Variants in RBPMS observed in about 807,000 individuals in gnomAD.
The protein encoded by RBPMS is RNA-binding protein with multiple splicing.
In RBPMS, 7 loss-of-function variants were observed where a neutral mutation model predicts 26.8. That is an observed-to-expected ratio of 0.26 (90% CI 0.15 to 0.49). The LOEUF is 0.49. RBPMS is among the 20% of genes least tolerant of loss of function. The pLI, the probability that RBPMS is intolerant of heterozygous loss-of-function variation, is 0.98. For missense variants in RBPMS, 186 were observed against 250.0 expected (o/e 0.74, Z 1.73); for synonymous variants, 96 against 93.3 (o/e 1.03, Z -0.17).
intron 1 of RBPMS, among the ~76,000 whole-genome samples, chr8:30,390,250 G>C (rs921923012): frequency 6.6e-6 from 1 of 152,208 alleles, no homozygotes; most frequent in African/African-American, 2.4e-5. Flanking sequence ...AACCGAGGTT[G>C]GTCACATTTA....
At chr8:30,423,194 G>A (rs1810989883) in intron 1 of RBPMS, among the ~76,000 whole-genome samples, 1 of 152,218 alleles carries the variant, frequency 6.6e-6, no homozygotes, top group Admixed American at 6.5e-5. Context: ...CCAGTTCTCT[G>A]TCTACCAGTG....
In RBPMS at chr8:30,540,857, TTGA is replaced by T. The variant is rs373747108; in HGVS notation, c.398-3633_398-3631del. 1.8e-4 allele frequency among the ~76,000 whole-genome samples: 27 copies of T among 152,302 alleles called. No individual in the cohort carries two copies. The East Asian group carries it at 3.5e-3, about 20-fold the overall frequency. The stretch of plus-strand genomic sequence containing the variant: ...ATCATGGGATAGATTCACCAGGACC[TTGA>T]TGAAAGAATGAATGAGAGGGAGGAT... On this transcript the variant is annotated intron_variant, in intron 5 of 8. Transcript: ENST00000397323.
At chr8:30,410,143 T>TACACAC (rs34489233) in intron 1 of RBPMS, among the ~76,000 whole-genome samples, 12,232 of 132,026 alleles carry the variant, frequency 0.093, 714 homozygotes, top group Non-Finnish European at 0.13. Flanking sequence ...TGACTTAAAA[T>TACACAC]ACACACACAC....
chr8:30,463,377 G>A (rs1001545504), intron 1 of RBPMS, among the ~76,000 whole-genome samples: 1 of 152,214 alleles, frequency 6.6e-6, no homozygotes, highest in Non-Finnish European at 1.5e-5. Flanking sequence ...GACTTGACTA[G>A]GCGTGGGAGA....
At chr8:30,465,275 C>G (rs1816372171) in intron 1 of RBPMS, among the ~76,000 whole-genome samples, 2 of 152,208 alleles carry the variant, frequency 1.3e-5, no homozygotes, top group African/African-American at 4.8e-5. Flanking sequence ...CTAATTCACA[C>G]ATTAAATTCT....
chr8:30,464,486 T>C (rs1273377367), intron 1 of RBPMS, among the ~76,000 whole-genome samples: 8 of 152,228 alleles, frequency 5.3e-5, no homozygotes, highest in African/African-American at 1.9e-4. Flanking sequence ...GTTTTAAGAA[T>C]GCATTGTAAA....
chr8:30,553,723 A>C (rs1248939190), intron 6 of RBPMS: 1 of 152,202 alleles, frequency 6.6e-6, no homozygotes, highest in Non-Finnish European at 1.5e-5. Flanking sequence ...CATTAGTTTG[A>C]GATAACATTC....
chr8:30,504,270 TTC>T lies in RBPMS; in HGVS notation c.247-12_247-11del, dbSNP rs772359369. The stretch of plus-strand genomic sequence containing the variant: ...AGGAAATGAAAACATCTTCCATTTG[TTC>T]TCTGTTTCCAAAGGGCATCCGCTTC... On this transcript the variant is annotated splice_polypyrimidine_tract_variant and intron_variant, in intron 4 of 8. Coordinates refer to ENST00000397323, the MANE Select transcript of RBPMS (RefSeq NM_001008710.3). The T allele has an allele frequency of 4.6e-5, 75 of 1,613,750 alleles. No individual in the cohort carries two copies. Among genetic ancestry groups the T allele is most frequent in the African/African-American group, 8.0e-5 (6 of 74,914 alleles).
In RBPMS at chr8:30,384,699, A is replaced by G. The variant is rs1372883000; in HGVS notation, c.-394A>G. The G allele has an allele frequency of 6.2e-6, 1 of 162,212 alleles. No individual in the cohort carries two copies. The highest frequency in any genetic ancestry group is 1.3e-5 in the Non-Finnish European group (1 of 76,322). 10.0% of individuals were successfully genotyped at this position (162,212 alleles called of 1,614,324 possible). A position where few individuals can be genotyped will look rare whatever the true frequency, so the allele number is the denominator to read the frequency against. On this transcript the variant is annotated 5_prime_UTR_variant, in exon 1 of 9. Coordinates refer to ENST00000397323, the MANE Select transcript of RBPMS (RefSeq NM_001008710.3). This position sits in a 1 kb window ranked among gnomAD's most constrained non-coding sequence, Gnocchi z 5.6. Reference sequence around the variant, plus strand: ...CCAGCGGCTGCAGCCCCCAGCCCCAACTCTCCGCGCTTACTCCTGGGACGC... The same window carrying G: ...CCAGCGGCTGCAGCCCCCAGCCCCAGCTCTCCGCGCTTACTCCTGGGACGC...
intron 5 of RBPMS, among the ~76,000 whole-genome samples, chr8:30,520,137 G>A (rs1461966403): frequency 6.6e-6 from 1 of 152,042 alleles, no homozygotes; most frequent in South Asian, 2.1e-4. Flanking sequence ...TCATTTTAAC[G>A]ACTTCATGTA....
At chr8:30,500,350 T>A (rs2150919315) in intron 4 of RBPMS, among the ~76,000 whole-genome samples, 1 of 152,170 alleles carries the variant, frequency 6.6e-6, no homozygotes, top group East Asian at 1.9e-4. Flanking sequence ...CTTTTTTTTT[T>A]TTTTTTCAGG....
chr8:30,551,354 T>G (rs1452665125), intron 6 of RBPMS, among the ~76,000 whole-genome samples: 2 of 151,984 alleles, frequency 1.3e-5, no homozygotes. Context: ...GAAACCAGAG[T>G]CGGTCCCCTA....
intron 5 of RBPMS, among the ~76,000 whole-genome samples, chr8:30,506,579 G>C (rs935056169): frequency 6.6e-6 from 1 of 152,008 alleles, no homozygotes; most frequent in Admixed American, 6.6e-5. Flanking sequence ...CACTGTGTTG[G>C]GTCTACACGG....
At chr8:30,521,638 C>T (rs796578841) in intron 5 of RBPMS, among the ~76,000 whole-genome samples, 11 of 152,240 alleles carry the variant, frequency 7.2e-5, no homozygotes, top group African/African-American at 2.6e-4. Flanking sequence ...ATATGAGTAT[C>T]ATGTGGGCAT....
chr8:30,454,190 A>G (rs1433912396), intron 1 of RBPMS, among the ~76,000 whole-genome samples: 1 of 152,232 alleles, frequency 6.6e-6, no homozygotes, highest in East Asian at 1.9e-4. Context: ...TGAAAACCAG[A>G]AAGTGTGTAT....
chr8:30,423,734 C>G (rs934111124), intron 1 of RBPMS, among the ~76,000 whole-genome samples: 1 of 152,086 alleles, frequency 6.6e-6, no homozygotes, highest in Non-Finnish European at 1.5e-5. Context: ...GGGTCCCTTG[C>G]CAAGAGAGAA....
chr8:30,549,650 C>A lies in RBPMS; in HGVS notation c.528+5026C>A, dbSNP rs530626529. 138 of 1,260,014 alleles carry A rather than the reference C, an allele frequency of 1.1e-4. No individual in the cohort carries two copies. In the South Asian group the frequency reaches 1.2e-3, roughly 11 times the overall value. 78.1% of individuals were successfully genotyped at this position (1,260,014 alleles called of 1,614,324 possible). A position where few individuals can be genotyped will look rare whatever the true frequency, so the allele number is the denominator to read the frequency against. ...AGGAGGGGCGGACGGGGAGGCCAGG[C>A]CTCATGCTCACAGCGCCAGCCTCCT... On this transcript the variant is annotated intron_variant, in intron 6 of 8. Transcript: ENST00000397323.
chr8:30,544,872 C>A, intron 6 of RBPMS: 1 of 1,504,560 alleles, frequency 6.6e-7, no homozygotes, highest in South Asian at 1.3e-5. Context: ...ATGATCTCAC[C>A]TCATATCGCA....
At chr8:30,522,060 A>T (rs564415447) in intron 5 of RBPMS, among the ~76,000 whole-genome samples, 6 of 152,308 alleles carry the variant, frequency 3.9e-5, no homozygotes, top group Admixed American at 6.5e-5. Flanking sequence ...AAGTGTTCTT[A>T]TCAGAAAAAC....
Sources: gnomAD v4.1 joint callset for allele counts (sites outside exome capture counted in the v4.1 genomes callset) on GRCh38, gnomAD v4.1.1 for gene constraint, Gnocchi (gnomAD v3.1) non-coding constraint, MANE v1.5 for transcripts, NCBI Gene and HGNC (gene_info 2026-07-23, HGNC 2026-07-21) for gene names.